Variants in LMX1A observed in about 807,000 individuals in gnomAD.
LMX1A encodes LIM homeobox transcription factor 1-alpha.
A neutral mutation model predicts 49.1 loss-of-function variants in LMX1A; 15 were observed. The observed-to-expected ratio is 0.31, with a 90% confidence interval of 0.20 to 0.47. The LOEUF (loss-of-function observed/expected upper bound fraction) is 0.47. Among genes scored for constraint, LMX1A ranks in the 20% least tolerant of loss-of-function variants. The probability of loss-of-function intolerance (pLI) is 1.00; values close to 1 mark genes in which losing one functional copy is unlikely to be tolerated. For synonymous variants in LMX1A, 167 were observed against 185.7 expected (o/e 0.90, Z 0.82); for missense variants, 372 against 475.8 (o/e 0.78, Z 2.03).
intron 3 of LMX1A, among the ~76,000 whole-genome samples, chr1:165,286,124 ATC>A (rs1322283610): frequency 6.6e-6 from 1 of 152,174 alleles, no homozygotes; most frequent in East Asian, 1.9e-4. Context: ...TGCTTTCACA[ATC>A]TCTGTGTGAA....
intron 3 of LMX1A, among the ~76,000 whole-genome samples, chr1:165,299,142 T>A (rs1453264762): frequency 6.6e-6 from 1 of 152,260 alleles, no homozygotes; most frequent in East Asian, 1.9e-4. Context: ...AGATGCCTGA[T>A]TCTTCCTCTT....
chr1:165,298,504 G>C (rs932706619), intron 3 of LMX1A, among the ~76,000 whole-genome samples: 1 of 152,188 alleles, frequency 6.6e-6, no homozygotes, highest in African/African-American at 2.4e-5. Context: ...AATTAACCGG[G>C]GGCTGAAAGG....
chr1:165,246,135 G>A (rs1462513373), intron 4 of LMX1A, among the ~76,000 whole-genome samples: 2 of 152,148 alleles, frequency 1.3e-5, no homozygotes, highest in East Asian at 3.9e-4. Flanking sequence ...TTCATTCCAT[G>A]AAGATTTAAT....
intron 3 of LMX1A, among the ~76,000 whole-genome samples, chr1:165,290,043 A>G (rs989374948): frequency 6.6e-6 from 1 of 152,252 alleles, no homozygotes; most frequent in East Asian, 1.9e-4. Context: ...CCTCCCTTTC[A>G]GTAAACATAC....
At chr1:165,333,973 C>T (rs186438120) in intron 3 of LMX1A, among the ~76,000 whole-genome samples, 41 of 152,268 alleles carry the variant, frequency 2.7e-4, no homozygotes, top group Admixed American at 8.5e-4. Context: ...TTGACAACCA[C>T]CTGTGACATA....
chr1:165,278,224 T>C (rs1654028367), intron 3 of LMX1A, among the ~76,000 whole-genome samples: 1 of 152,328 alleles, frequency 6.6e-6, no homozygotes, highest in Admixed American at 6.5e-5. Flanking sequence ...GTTTACTTCA[T>C]ATTCTCACAG....
intron 3 of LMX1A, among the ~76,000 whole-genome samples, chr1:165,279,592 C>T (rs1654083842): frequency 6.6e-6 from 1 of 152,154 alleles, no homozygotes; most frequent in East Asian, 1.9e-4. Flanking sequence ...CCTCTGTTTC[C>T]CCTTCAGTTA....
At chr1:165,284,549 C>T (rs1032830634) in intron 3 of LMX1A, among the ~76,000 whole-genome samples, 11 of 152,184 alleles carry the variant, frequency 7.2e-5, no homozygotes, top group African/African-American at 2.7e-4. Flanking sequence ...GCATTTTACA[C>T]GGTGCCTACC....
At chr1:165,316,207 G>A (rs890617088) in intron 3 of LMX1A, among the ~76,000 whole-genome samples, 6 of 152,228 alleles carry the variant, frequency 3.9e-5, no homozygotes, top group African/African-American at 1.4e-4. Context: ...TGTATGTTGT[G>A]TGAGACACAG....
At chr1:165,260,006 A>C (rs1052343081) in intron 3 of LMX1A, among the ~76,000 whole-genome samples, 3 of 152,254 alleles carry the variant, frequency 2.0e-5, no homozygotes, top group African/African-American at 4.8e-5. Context: ...ACTCAAGCCA[A>C]GGTGGCACAA....
Position 165,249,609 on chromosome 1 carries a change from C to G in LMX1A, c.295G>C (p.Glu99Gln), listed in dbSNP as rs202040732. 2.5e-6 allele frequency: 4 copies of G among 1,614,080 alleles called. No individual in the cohort carries two copies. Among genetic ancestry groups the G allele is most frequent in the Admixed American group, 1.7e-5 (1 of 60,000 alleles). ...ACAAACTCATTGGGAGCGATGGCCT[C>G]GAAGCAGCCCCCACATTTAACAGCA... ...LFAVKCGGCF[E>Q]AIAPNEFVMR... is the part of the protein sequence containing the mutation. The change falls in exon 4 of 9, where the codon GAG becomes CAG. Residue 99 changes from glutamate to glutamine, a missense_variant. By Grantham distance (29) the Glu-to-Gln change is conservative. This residue lies in a region of LMX1A where 199 missense variants were observed against 244.0 expected (regional missense o/e 0.82). Transcript: ENST00000342310.
intron 3 of LMX1A, among the ~76,000 whole-genome samples, chr1:165,267,307 A>T (rs1653657226): frequency 6.6e-6 from 1 of 152,270 alleles, no homozygotes; most frequent in African/African-American, 2.4e-5. Flanking sequence ...TTCTAGGTTC[A>T]TTGCATTCAG....
chr1:165,221,947 ACACG>A (rs1317461385), intron 4 of LMX1A, among the ~76,000 whole-genome samples: 1 of 150,666 alleles, frequency 6.6e-6, no homozygotes, highest in Non-Finnish European at 1.5e-5. Context: ...ACACACACGC[ACACG>A]CACACACACA....
intron 7 of LMX1A, among the ~76,000 whole-genome samples, chr1:165,207,821 G>T (rs571388722): frequency 5.9e-5 from 9 of 152,310 alleles, no homozygotes; most frequent in African/African-American, 2.2e-4. Flanking sequence ...AGGCCTGGAC[G>T]CTGTGGATAA....
chr1:165,349,521 G>A (rs192029472), intron 3 of LMX1A, among the ~76,000 whole-genome samples: 46 of 152,204 alleles, frequency 3.0e-4, no homozygotes, highest in Admixed American at 1.9e-3. Flanking sequence ...CACCAAGCTA[G>A]CAATTTTTCC....
chr1:165,267,953 G>T (rs1571190885), intron 3 of LMX1A, among the ~76,000 whole-genome samples: 2 of 152,208 alleles, frequency 1.3e-5, no homozygotes, highest in South Asian at 2.1e-4. Flanking sequence ...GACAGAGGGG[G>T]ATCTAGGGTC....
intron 3 of LMX1A, among the ~76,000 whole-genome samples, chr1:165,273,070 G>A (rs1427051776): frequency 6.6e-6 from 1 of 152,218 alleles, no homozygotes; most frequent in Non-Finnish European, 1.5e-5. Context: ...GAACGGGGAG[G>A]AGCTCTAAGT....
chr1:165,205,847 G>T lies in LMX1A; in HGVS notation c.988+17C>A, dbSNP rs761906102. The T allele has an allele frequency of 6.2e-7, 1 of 1,612,172 alleles. No homozygotes were observed. The highest frequency in any genetic ancestry group is 8.5e-7 in the Non-Finnish European group (1 of 1,178,722). On this transcript the variant is annotated intron_variant, in intron 8 of 8. Coordinates refer to ENST00000342310, the MANE Select transcript of LMX1A (RefSeq NM_177398.4). ...CACAAGTTATGAGAGGGCCCGAGGG[G>T]CTTAAGTCCCTCTTACCATAAGGGT...
chr1:165,207,207 C>G (rs190151313), intron 7 of LMX1A, among the ~76,000 whole-genome samples: 2 of 152,260 alleles, frequency 1.3e-5, no homozygotes, highest in Admixed American at 1.3e-4. Flanking sequence ...TGTAAGAAGC[C>G]CTGTTTTAAG....
Sources: allele counts gnomAD v4.1 joint callset (sites outside exome capture counted in the v4.1 genomes callset), GRCh38; gene constraint gnomAD v4.1.1; regional missense constraint gnomAD v4.1.1; transcripts MANE v1.5; gene names NCBI Gene and HGNC (gene_info 2026-07-23, HGNC 2026-07-21).